LMLN: variants seen among roughly 807,000 people sequenced by gnomAD.
The protein encoded by LMLN is leishmanolysin like peptidase.
In LMLN, 70 loss-of-function variants were observed where a neutral mutation model predicts 92.3. The observed-to-expected ratio is 0.76, with a 90% CI of 0.63 to 0.92. LMLN has a LOEUF of 0.92. Among genes scored for constraint, LMLN ranks in the 40% least tolerant of loss-of-function variants. The pLI is 0.00. For missense variants in LMLN, 691 were observed against 814.6 expected (o/e 0.85, Z 1.85); for synonymous variants, 308 against 296.2 (o/e 1.04, Z -0.41).
intron 5 of LMLN, among the ~76,000 whole-genome samples, chr3:197,979,523 T>TA (rs1721497083): frequency 6.6e-6 from 1 of 152,032 alleles, no homozygotes; most frequent in African/African-American, 2.4e-5. Context: ...TATATATATT[T>TA]AAAAAATTTT....
At chr3:198,009,218 C>T (rs1722370476) in intron 11 of LMLN, among the ~76,000 whole-genome samples, 3 of 152,196 alleles carry the variant, frequency 2.0e-5, no homozygotes, top group Admixed American at 2.0e-4. Context: ...CTGTCCATTT[C>T]TGAGAAATGG....
At chr3:198,013,932 T>C in intron 11 of LMLN, among the ~76,000 whole-genome samples, 1 of 140,052 alleles carries the variant, frequency 7.1e-6, no homozygotes. Context: ...CTAACTAGTC[T>C]GACTTCTCTC....
chr3:198,015,128 T>C (rs1412345895), intron 11 of LMLN, among the ~76,000 whole-genome samples: 4 of 114,670 alleles, frequency 3.5e-5, no homozygotes, highest in South Asian at 3.3e-4. Context: ...GACTTCTCTG[T>C]ACCTTTCAGA....
In LMLN at chr3:198,038,020, G is replaced by C. The variant is rs543385378; in HGVS notation, c.1868-547G>C. Among the ~76,000 whole-genome samples, 4 of 148,492 alleles carry C rather than the reference G, an allele frequency of 2.7e-5. No homozygotes were observed. In the East Asian group the frequency reaches 5.8e-4, roughly 22 times the overall value. On this transcript the variant is annotated intron_variant, in intron 15 of 15. Transcript: ENST00000330198. ...GTCGTTATTGCTGGTCCTGTCCCTT[G>C]CCTCCTCACAGTCTGTCTGCCTGTT...
At chr3:198,035,837 C>G in exon 15 of LMLN, 5 of 1,612,168 alleles carry the variant, frequency 3.1e-6, no homozygotes, top group Non-Finnish European at 4.2e-6. Flanking sequence ...TTGAAGGTTT[C>G]TTGTTCTCCT....
rs1721242534 is a variant in LMLN, at chr3:197,972,036, C to T, written c.220-2341C>T. Among the ~76,000 whole-genome samples the T allele has an allele frequency of 1.4e-5, 2 of 139,654 alleles. 1 individual carries two copies. Among genetic ancestry groups the T allele is most frequent in the Middle Eastern group, 7.8e-3 (2 of 256 alleles). The allele number at this position is 139,654 out of a possible 152,430, so 91.6% of individuals were successfully genotyped here. ...TCTATCTTCAAGTTCACTGATGCTT[C>T]TGCCATCTCCAATCTTCTTTTAATT... On this transcript the variant is annotated intron_variant, in intron 1 of 15. Coordinates refer to ENST00000330198, the Ensembl canonical transcript of LMLN.
intron 5 of LMLN, 87 bp downstream of exon 5, chr3:197,976,802 C>G: frequency 1.7e-6 from 1 of 591,406 alleles, no homozygotes; most frequent in South Asian, 3.4e-5. Context: ...GATTCAAGTT[C>G]AAAGGCTTAG....
chr3:198,006,820 CT>C (rs1722307193), intron 11 of LMLN, among the ~76,000 whole-genome samples: 1 of 151,992 alleles, frequency 6.6e-6, no homozygotes, highest in South Asian at 2.1e-4. Context: ...TCAAGCAATT[CT>C]TTTGCCTCAG....
chr3:198,013,414 T>G (rs1360891250), intron 11 of LMLN, among the ~76,000 whole-genome samples: 2 of 121,886 alleles, frequency 1.6e-5, no homozygotes, highest in Non-Finnish European at 3.3e-5. Context: ...CTAACTAGTC[T>G]GACTTCTCTC....
intron 6 of LMLN, 79 bp from the exon 7 acceptor site, chr3:197,983,864 G>A (rs1022170914): frequency 5.5e-6 from 5 of 911,864 alleles, no homozygotes; most frequent in Non-Finnish European, 8.7e-6. Flanking sequence ...CTGTCCTTGA[G>A]CAGTATTTGA....
At chr3:197,968,289 ACC>A (rs1348151170) in intron 1 of LMLN, among the ~76,000 whole-genome samples, 1 of 151,656 alleles carries the variant, frequency 6.6e-6, no homozygotes, top group Non-Finnish European at 1.5e-5. Flanking sequence ...ACACGGTGAA[ACC>A]CCGTCTGTAC....
intron 14 of LMLN, 95 bp downstream of exon 15, chr3:198,024,883 C>A: frequency 3.1e-6 from 3 of 977,616 alleles, no homozygotes; most frequent in East Asian, 5.9e-5. Context: ...TATTTTATGT[C>A]ATTAATTTAC....
intron 1 of LMLN, among the ~76,000 whole-genome samples, chr3:197,966,353 T>A (rs1321978203): frequency 6.6e-6 from 1 of 152,224 alleles, no homozygotes; most frequent in Non-Finnish European, 1.5e-5. Context: ...ATTACATCTT[T>A]AATGTTAATA....
chr3:197,973,079 T>C (rs1171261763), intron 1 of LMLN, among the ~76,000 whole-genome samples: 1 of 152,172 alleles, frequency 6.6e-6, no homozygotes, highest in African/African-American at 2.4e-5. Flanking sequence ...ACAATTCCTG[T>C]ATTCCAAGAG....
At chr3:198,030,037 T>A (rs2109950864) in intron 14 of LMLN, among the ~76,000 whole-genome samples, 2 of 151,902 alleles carry the variant, frequency 1.3e-5, no homozygotes, top group South Asian at 4.2e-4. Flanking sequence ...AGAGACAGGG[T>A]TTCACCATGT....
rs1200447123 is a variant in LMLN, at chr3:197,974,367, CT to C, written c.220-4del. On this transcript the variant is annotated splice_polypyrimidine_tract_variant and intron_variant, in intron 1 of 15. Coordinates refer to ENST00000330198, the Ensembl canonical transcript of LMLN. Reference sequence around the variant, plus strand: ...TCTTAAACAGTTTTCAAATCCGTTCCTTTTTTCAGGTCATAAATAAAGTTCA... The same window carrying C: ...TCTTAAACAGTTTTCAAATCCGTTCCTTTTTCAGGTCATAAATAAAGTTCA... 14 of 1,490,740 alleles carry C rather than the reference CT, an allele frequency of 9.4e-6. No individual in the cohort carries two copies. Among genetic ancestry groups the C allele is most frequent in the South Asian group, 2.4e-5 (2 of 84,584 alleles). 92.3% of individuals were successfully genotyped at this position (1,490,740 alleles called of 1,614,324 possible). A position where few individuals can be genotyped will look rare whatever the true frequency, so the allele number is the denominator to read the frequency against.
chr3:197,979,265 C>T (rs1157755852), intron 5 of LMLN, among the ~76,000 whole-genome samples: 1 of 152,048 alleles, frequency 6.6e-6, no homozygotes, highest in Non-Finnish European at 1.5e-5. Flanking sequence ...ACAAGTATTG[C>T]TTACACCTTA....
intron 14 of LMLN, among the ~76,000 whole-genome samples, chr3:198,029,509 T>C (rs370258173): frequency 1.3e-5 from 2 of 152,064 alleles, no homozygotes; most frequent in South Asian, 4.1e-4. Context: ...CTGTCTCTAC[T>C]AAAAATACAA....
In LMLN at chr3:197,980,436, C is replaced by A; in HGVS notation, c.660C>A (p.Thr220=). Residue 220 remains threonine (T), a synonymous_variant, in exon 6 of 16, where the codon ACC becomes ACA. Coordinates refer to ENST00000330198, the Ensembl canonical transcript of LMLN. ...TTCTTTACGTTGGTGCTCTGGCCAC[C>A]GAGAGATGCAGCCATGAAAACATCA... 1.2e-6 allele frequency: 2 copies of A among 1,613,864 alleles called. No homozygotes were observed. Among genetic ancestry groups the A allele is most frequent in the Non-Finnish European group, 1.7e-6 (2 of 1,180,002 alleles).
Sources: allele counts gnomAD v4.1 joint callset (sites outside exome capture counted in the v4.1 genomes callset), GRCh38; gene constraint gnomAD v4.1.1; transcripts MANE v1.5; gene names NCBI Gene and HGNC (gene_info 2026-07-23, HGNC 2026-07-21).